SVOP: variants seen among roughly 807,000 people sequenced by gnomAD.
SVOP encodes SV2 related protein, also known as synaptic vesicle 2-related protein.
Under a neutral mutation model 69.1 loss-of-function variants are expected in SVOP, and 17 were observed. The observed-to-expected ratio is 0.25, with a 90% CI of 0.17 to 0.37. The LOEUF (loss-of-function observed/expected upper bound fraction) is 0.37, where lower values mean the gene tolerates loss of function less well. Ranked by LOEUF, SVOP falls within the 10% of genes least tolerant of loss-of-function variation. The pLI is 1.00. For missense variants in SVOP, 435 were observed against 597.5 expected, an observed-to-expected ratio of 0.73 and a Z score of 2.84; for synonymous variants, 238 against 238.6, an observed-to-expected ratio of 1.00 and a Z score of 0.02.
Position 108,912,238 on chromosome 12 carries a change from T to C in SVOP, c.*297A>G. The C allele has an allele frequency of 7.9e-7, 1 of 1,271,650 alleles. No individual in the cohort carries two copies. The highest frequency in any genetic ancestry group is 1.0e-6 in the Non-Finnish European group (1 of 1,004,140). 78.8% of individuals were successfully genotyped at this position (1,271,650 alleles called of 1,614,324 possible). A position where few individuals can be genotyped will look rare whatever the true frequency, so the allele number is the denominator to read the frequency against. On this transcript the variant is annotated 3_prime_UTR_variant, in exon 16 of 16. Coordinates refer to ENST00000610966, the MANE Select transcript of SVOP (RefSeq NM_018711.5). The stretch of plus-strand genomic sequence containing the variant: ...CGGGTGACTCTGGGTGGTGTCTGAT[T>C]GGTTGCTGGCATTACCAGACCCTCC...
intron 10 of SVOP, among the ~76,000 whole-genome samples, chr12:108,935,504 T>C (rs1336374143): frequency 2.0e-5 from 3 of 152,216 alleles, no homozygotes; most frequent in Non-Finnish European, 4.4e-5. Context: ...ACCATCCTTT[T>C]AAAAAATTCT....
rs574130115 is a variant in SVOP, at chr12:108,909,016, C to A, written c.*3519G>T. ...GAAAACCTTTTATGACTGCTCCTTTCCCATTCTACCTTCTTTGAAAAGAAA... is the reference window on the plus strand; with the variant it reads ...GAAAACCTTTTATGACTGCTCCTTTACCATTCTACCTTCTTTGAAAAGAAA... On this transcript the variant is annotated 3_prime_UTR_variant, in exon 16 of 16. Coordinates refer to ENST00000610966, the MANE Select transcript of SVOP (RefSeq NM_018711.5). 6.6e-6 allele frequency: 1 copy of A among 152,192 alleles called. No homozygotes were observed. The highest frequency in any genetic ancestry group is 1.5e-5 in the Non-Finnish European group (1 of 68,040). 9.4% of individuals were successfully genotyped at this position (152,192 alleles called of 1,614,324 possible).
At chr12:108,968,744 T>TTGTGTGTG (rs554473073) in intron 5 of SVOP, among the ~76,000 whole-genome samples, 1,640 of 149,732 alleles carry the variant, frequency 0.011, 18 homozygotes, top group African/African-American at 0.02. Context: ...TGTTTGTCTT[T>TTGTGTGTG]TGTGTGTGTG....
intron 1 of SVOP, among the ~76,000 whole-genome samples, chr12:109,013,846 C>T (rs1174480248): frequency 6.6e-6 from 1 of 152,070 alleles, no homozygotes; most frequent in Non-Finnish European, 1.5e-5. Context: ...ATTCCCTCTC[C>T]CCCCACCACC....
chr12:108,942,481 G>C (rs1210544232), intron 7 of SVOP, among the ~76,000 whole-genome samples: 2 of 152,200 alleles, frequency 1.3e-5, no homozygotes, highest in African/African-American at 4.8e-5. Context: ...CCATCAACAG[G>C]CTCCCTGTCC....
intron 14 of SVOP, among the ~76,000 whole-genome samples, chr12:108,917,329 A>G (rs1351570685): frequency 6.6e-6 from 1 of 152,204 alleles, no homozygotes; most frequent in African/African-American, 2.4e-5. Context: ...TGCATACCAT[A>G]TGCATTTCTA....
chr12:108,974,919 T>C (rs937606839), intron 4 of SVOP, among the ~76,000 whole-genome samples: 2 of 152,204 alleles, frequency 1.3e-5, no homozygotes, highest in East Asian at 3.8e-4. Flanking sequence ...TAAAAAGTGA[T>C]ATGATAATTT....
chr12:108,948,082 C>A (rs1334975229), intron 6 of SVOP, among the ~76,000 whole-genome samples: 1 of 151,942 alleles, frequency 6.6e-6, no homozygotes, highest in Non-Finnish European at 1.5e-5. Flanking sequence ...TGCAGACTGG[C>A]ATGTACGTGT....
At chr12:108,986,730 T>G (rs36141191) in intron 1 of SVOP, among the ~76,000 whole-genome samples, 136,553 of 152,052 alleles carry the variant, frequency 0.9, 62,463 homozygotes, top group Non-Finnish European at 1. Flanking sequence ...TGAGATACCA[T>G]GAGATGCAGG....
At chr12:108,919,647 C>T (rs2039736620) in intron 13 of SVOP, 28 bp downstream of exon 13, 1 of 1,560,118 alleles carries the variant, frequency 6.4e-7, no homozygotes, top group Non-Finnish European at 8.7e-7. Flanking sequence ...TGTGCTCAAA[C>T]TCATACCTAG....
intron 6 of SVOP, among the ~76,000 whole-genome samples, chr12:108,955,315 A>G (rs555596788): frequency 6.6e-6 from 1 of 152,292 alleles, no homozygotes; most frequent in East Asian, 1.9e-4. Flanking sequence ...GTCCTCAATG[A>G]ACTCATCATA....
chr12:108,919,041 CA>C (rs11288254), intron 13 of SVOP, among the ~76,000 whole-genome samples: 112,183 of 150,012 alleles, frequency 0.75, 42,399 homozygotes, highest in East Asian at 1. Context: ...CCAATACCCG[CA>C]ACCTGGGCCG....
At chr12:108,945,829 C>T (rs1361944311) in intron 6 of SVOP, among the ~76,000 whole-genome samples, 1 of 152,194 alleles carries the variant, frequency 6.6e-6, no homozygotes, top group Non-Finnish European at 1.5e-5. Flanking sequence ...CACACAATGT[C>T]AATCTGTCCC....
At chr12:108,948,276 C>G (rs549684917) in intron 6 of SVOP, among the ~76,000 whole-genome samples, 1 of 152,318 alleles carries the variant, frequency 6.6e-6, no homozygotes, top group Admixed American at 6.5e-5. Context: ...AGAGCACTCT[C>G]AATAAATCAC....
chr12:108,977,287 G>T lies in SVOP; in HGVS notation c.381+111C>A, dbSNP rs181838622. On this transcript the variant is annotated intron_variant, in intron 4 of 15. Transcript: ENST00000610966. ...GGGATGGGACAGTGTTTCCATCAGG[G>T]CTTAATTCTTTTCTGCTGAGCCTTC... The T allele has an allele frequency of 1.0e-4, 137 of 1,314,128 alleles. No homozygotes were observed. In the African/African-American group the frequency reaches 1.6e-3, roughly 15 times the overall value. 81.4% of individuals were successfully genotyped at this position (1,314,128 alleles called of 1,614,324 possible).
chr12:108,977,548 G>A (rs1440960084), intron 3 of SVOP, 52 bp from the exon 4 acceptor site: 1 of 1,306,414 alleles, frequency 7.7e-7, no homozygotes, highest in Non-Finnish European at 1.1e-6. Flanking sequence ...TGGTGCTGGG[G>A]AAGGCTGGCC....
chr12:108,942,162 C>T (rs1302831250), intron 7 of SVOP, among the ~76,000 whole-genome samples: 1 of 152,174 alleles, frequency 6.6e-6, no homozygotes, highest in Non-Finnish European at 1.5e-5. Flanking sequence ...TGCATTGTAC[C>T]ATATGTCAGA....
chr12:108,990,254 A>G (rs960627422), intron 1 of SVOP, among the ~76,000 whole-genome samples: 7 of 152,220 alleles, frequency 4.6e-5, no homozygotes, highest in African/African-American at 1.7e-4. Flanking sequence ...AGCTCCATCC[A>G]TGTCCCTACA....
intron 5 of SVOP, among the ~76,000 whole-genome samples, chr12:108,970,363 G>C (rs1307145687): frequency 1.3e-5 from 2 of 152,226 alleles, no homozygotes; most frequent in African/African-American, 2.4e-5. Flanking sequence ...TATCAAGTTA[G>C]AGTGATAATA....
Sources: gnomAD v4.1 joint callset for allele counts (sites outside exome capture counted in the v4.1 genomes callset) on GRCh38, gnomAD v4.1.1 for gene constraint, MANE v1.5 for transcripts, NCBI Gene and HGNC (gene_info 2026-07-23, HGNC 2026-07-21) for gene names.